DCDC1: variants seen among roughly 807,000 people sequenced by gnomAD.
DCDC1 encodes the protein doublecortin domain-containing protein 1.
DCDC1 carries 200 observed loss-of-function variants against 178.3 expected under a neutral mutation model. The ratio of observed to expected loss-of-function variants is 1.12; its 90% CI spans 1.00 to 1.26. The LOEUF is 1.26. DCDC1 is among the 50% of genes most tolerant of loss of function. DCDC1 has a pLI of 0.00. For synonymous variants in DCDC1, 690 were observed against 604.8 expected (o/e 1.14, Z -2.07); for missense variants, 1,983 against 1,749.2 (o/e 1.13, Z -2.38).
chr11:31,338,836 A>G (rs1565630773), intron 1 of DCDC1, among the ~76,000 whole-genome samples: 2 of 152,240 alleles, frequency 1.3e-5, no homozygotes, highest in Non-Finnish European at 2.9e-5. Context: ...AAGATCTTAG[A>G]GCATTATACT....
chr11:31,119,922 T>C (rs1156801913), intron 11 of DCDC1, among the ~76,000 whole-genome samples: 3 of 152,170 alleles, frequency 2.0e-5, no homozygotes, highest in African/African-American at 7.2e-5. Context: ...TGTTGTCATA[T>C]TGTTTCTAAT....
At chr11:31,151,962 C>T (rs1019031060) in intron 9 of DCDC1, among the ~76,000 whole-genome samples, 24 of 152,022 alleles carry the variant, frequency 1.6e-4, no homozygotes, top group Admixed American at 7.9e-4. Context: ...ATGTTCTCAC[C>T]ACAAAACAGT....
At chr11:31,322,520 T>C (rs1297926223) in intron 3 of DCDC1, among the ~76,000 whole-genome samples, 2 of 152,168 alleles carry the variant, frequency 1.3e-5, no homozygotes, top group African/African-American at 4.8e-5. Flanking sequence ...GTAATCTGCT[T>C]GTGATCTAAT....
chr11:31,252,188 A>T lies in DCDC1; in HGVS notation c.1055-10572T>A, dbSNP rs574121223. Reference sequence around the variant, plus strand: ...CATACTGTAAATCTCTGCCCTAATCACAGCCTAGTCAACATTTTTATAATA... The same window carrying T: ...CATACTGTAAATCTCTGCCCTAATCTCAGCCTAGTCAACATTTTTATAATA... On this transcript the variant is annotated intron_variant, in intron 8 of 38. Coordinates refer to ENST00000684477, the MANE Select transcript of DCDC1 (RefSeq NM_001387274.1). Among the ~76,000 whole-genome samples the T allele has an allele frequency of 2.0e-5, 3 of 152,298 alleles. No homozygotes were observed. The East Asian group carries it at 5.8e-4, about 29-fold the overall frequency.
At chr11:31,282,068 T>C (rs1041431752) in intron 7 of DCDC1, among the ~76,000 whole-genome samples, 1 of 152,160 alleles carries the variant, frequency 6.6e-6, no homozygotes, top group African/African-American at 2.4e-5. Flanking sequence ...TCTAGTAATG[T>C]CTTTATAATG....
intron 25 of DCDC1, among the ~76,000 whole-genome samples, chr11:30,920,562 CAAT>C (rs1946176797): frequency 1.3e-5 from 2 of 152,104 alleles, no homozygotes; most frequent in Admixed American, 1.3e-4. Context: ...AACATTGTAA[CAAT>C]ATTACTGAAA....
chr11:30,895,769 T>C (rs1057197136), intron 34 of DCDC1, among the ~76,000 whole-genome samples: 3 of 152,166 alleles, frequency 2.0e-5, no homozygotes, highest in Admixed American at 6.5e-5. Flanking sequence ...GAGAAGACCA[T>C]GGTGGCACCT....
intron 1 of DCDC1, among the ~76,000 whole-genome samples, chr11:31,344,657 C>T (rs935969229): frequency 6.6e-6 from 1 of 152,194 alleles, no homozygotes; most frequent in East Asian, 1.9e-4. Context: ...TGGTGGTCCA[C>T]AAGTTGAACA....
intron 1 of DCDC1, among the ~76,000 whole-genome samples, chr11:31,358,202 A>T (rs1951497716): frequency 6.6e-6 from 1 of 152,046 alleles, no homozygotes; most frequent in Non-Finnish European, 1.5e-5. Flanking sequence ...ACAAGGCTAC[A>T]GTAACCAAAA....
chr11:31,057,806 A>G (rs1279765941), intron 20 of DCDC1, among the ~76,000 whole-genome samples: 1 of 152,184 alleles, frequency 6.6e-6, no homozygotes, highest in Admixed American at 6.6e-5. Flanking sequence ...CTGAAGAATT[A>G]TAAGTCTGTG....
chr11:31,223,990 C>T (rs1254349054), intron 9 of DCDC1, among the ~76,000 whole-genome samples: 1 of 151,784 alleles, frequency 6.6e-6, no homozygotes, highest in Non-Finnish European at 1.5e-5. Context: ...CCGGTCTTTC[C>T]CATGCTAGTC....
chr11:31,022,565 G>A (rs749076426), intron 20 of DCDC1, among the ~76,000 whole-genome samples: 2 of 150,220 alleles, frequency 1.3e-5, no homozygotes, highest in Admixed American at 6.7e-5. Context: ...TTTTTAGTTT[G>A]ATTCCCCTAA....
At chr11:31,363,312 G>A (rs1022958464) in intron 1 of DCDC1, among the ~76,000 whole-genome samples, 3 of 151,978 alleles carry the variant, frequency 2.0e-5, no homozygotes, top group Admixed American at 2.0e-4. Flanking sequence ...GAGATACTTA[G>A]CATTTAAAAA....
intron 20 of DCDC1, among the ~76,000 whole-genome samples, chr11:30,974,647 C>T (rs1261705589): frequency 6.6e-6 from 1 of 151,962 alleles, no homozygotes; most frequent in East Asian, 1.9e-4. Flanking sequence ...TACAACCTAC[C>T]AAGATTAAAT....
At chr11:31,308,034 G>A (rs1437465089) in intron 3 of DCDC1, 126 bp from the exon 4 acceptor site, 2 of 1,217,154 alleles carry the variant, frequency 1.6e-6, no homozygotes, top group East Asian at 2.5e-5. Context: ...CCATTATTTT[G>A]TTTAATGCCT....
chr11:31,050,450 C>T (rs1184354297), intron 20 of DCDC1, among the ~76,000 whole-genome samples: 1 of 152,176 alleles, frequency 6.6e-6, no homozygotes, highest in African/African-American at 2.4e-5. Flanking sequence ...GGCATTTAAT[C>T]TTGGAAGTTC....
chr11:31,129,821 C>T (rs1056114302), intron 10 of DCDC1, among the ~76,000 whole-genome samples: 1 of 152,048 alleles, frequency 6.6e-6, no homozygotes, highest in Non-Finnish European at 1.5e-5. Context: ...ATTAAACCAC[C>T]TAGCTGCTCC....
Position 31,307,671 on chromosome 11 carries a change from G to A in DCDC1, c.402C>T (p.Asn134=). ...NSCSISASKR[N]RPVSAPVGQL... Reference sequence around the variant, plus strand: ...GACCCACTGGAGCACTGACAGGTCTGTTTCTCTTGGATGCTGATATAGAAC... The same window carrying A: ...GACCCACTGGAGCACTGACAGGTCTATTTCTCTTGGATGCTGATATAGAAC... The change falls in exon 4 of 39, where the codon AAC becomes AAT. Residue 134 remains asparagine, a synonymous_variant. Transcript: ENST00000684477. 1.9e-6 allele frequency: 3 copies of A among 1,614,068 alleles called. No homozygotes were observed. Among genetic ancestry groups the A allele is most frequent in the Non-Finnish European group, 2.5e-6 (3 of 1,179,958 alleles).
At chr11:31,050,126 G>C (rs145728282) in intron 20 of DCDC1, among the ~76,000 whole-genome samples, 1 of 152,080 alleles carries the variant, frequency 6.6e-6, no homozygotes, top group Non-Finnish European at 1.5e-5. Flanking sequence ...AGTCCATCTC[G>C]CCCTCATCTG....
Sources: gnomAD v4.1 joint callset for allele counts (sites outside exome capture counted in the v4.1 genomes callset) on GRCh38, gnomAD v4.1.1 for gene constraint, MANE v1.5 for transcripts, NCBI Gene and HGNC (gene_info 2026-07-23, HGNC 2026-07-21) for gene names.